ARHGAP26: variants seen among roughly 807,000 people sequenced by gnomAD.
The protein encoded by ARHGAP26 is rho GTPase-activating protein 26.
Under a neutral mutation model 104.8 loss-of-function variants are expected in ARHGAP26, and 38 were observed. The observed-to-expected ratio is 0.36, with a 90% CI of 0.28 to 0.48. The LOEUF (loss-of-function observed/expected upper bound fraction) is 0.48, where lower values mean the gene tolerates loss of function less well. ARHGAP26 is among the 20% of genes least tolerant of loss of function. The pLI, the probability that ARHGAP26 is intolerant of heterozygous loss-of-function variation, is 0.99. For synonymous variants in ARHGAP26, 341 were observed against 340.0 expected (o/e 1.00, Z -0.03); for missense variants, 704 against 947.9 (o/e 0.74, Z 3.38).
intron 20 of ARHGAP26, among the ~76,000 whole-genome samples, chr5:143,164,558 T>A (rs767844359): frequency 3.9e-5 from 6 of 152,226 alleles, no homozygotes; most frequent in Non-Finnish European, 8.8e-5. Context: ...CATGGCTGAT[T>A]TTTCTACCCT....
At chr5:142,939,497 C>T (rs958936815) in intron 11 of ARHGAP26, among the ~76,000 whole-genome samples, 8 of 152,156 alleles carry the variant, frequency 5.3e-5, no homozygotes, top group East Asian at 1.9e-4. Context: ...CTACCGTGCC[C>T]GAGCTCTAAC....
At chr5:143,186,776 A>G (rs1196530256) in intron 20 of ARHGAP26, among the ~76,000 whole-genome samples, 4 of 152,332 alleles carry the variant, frequency 2.6e-5, no homozygotes, top group East Asian at 1.9e-4. Flanking sequence ...TGCTGTGCAG[A>G]CACAGTGACA....
intron 10 of ARHGAP26, among the ~76,000 whole-genome samples, chr5:142,931,606 G>A (rs1243788819): frequency 6.6e-6 from 1 of 151,862 alleles, no homozygotes; most frequent in African/African-American, 2.4e-5. Context: ...TAGGAGACAA[G>A]CATGCCTCCA....
intron 1 of ARHGAP26, among the ~76,000 whole-genome samples, chr5:142,784,696 T>C (rs1758190635): frequency 6.6e-6 from 1 of 152,188 alleles, no homozygotes. Flanking sequence ...CCATGGACGA[T>C]GTTTTTTAAA....
rs1811860849 is a variant in ARHGAP26 at position 143,228,908 on chromosome 5, G to A, written c.*6462G>A. ...ACAAAATTTCTGTTCAGAGGCCTCT[G>A]AAACTTGGCTTTCTTACATGTGGTT... On this transcript the variant is annotated 3_prime_UTR_variant, in exon 23 of 23. Coordinates refer to ENST00000645722, the MANE Select transcript of ARHGAP26 (RefSeq NM_001135608.3). 5.3e-6 allele frequency: 1 copy of A among 187,984 alleles called. No individual in the cohort carries two copies. Among genetic ancestry groups the A allele is most frequent in the Admixed American group, 6.2e-5 (1 of 16,168 alleles). 11.6% of individuals were successfully genotyped at this position (187,984 alleles called of 1,614,324 possible).
chr5:143,029,397 T>G (rs1334355096), intron 12 of ARHGAP26, among the ~76,000 whole-genome samples: 3 of 92,428 alleles, frequency 3.2e-5, no homozygotes, highest in South Asian at 3.0e-4. Flanking sequence ...TCTCAGTTTT[T>G]TTTTTTTTTT....
intron 10 of ARHGAP26, among the ~76,000 whole-genome samples, chr5:142,930,033 A>G (rs1764483921): frequency 6.6e-6 from 1 of 152,140 alleles, no homozygotes; most frequent in African/African-American, 2.4e-5. Context: ...GTTCCCAGGC[A>G]CAGCCCAGTT....
intron 17 of ARHGAP26, among the ~76,000 whole-genome samples, chr5:143,063,333 G>C (rs780970457): frequency 5.3e-5 from 8 of 152,144 alleles, no homozygotes; most frequent in Non-Finnish European, 1.0e-4. Flanking sequence ...CCTCCCTATT[G>C]CTCTGGCTGG....
intron 14 of ARHGAP26, among the ~76,000 whole-genome samples, chr5:143,043,856 G>A (rs1267499434): frequency 6.6e-6 from 1 of 152,220 alleles, no homozygotes; most frequent in African/African-American, 2.4e-5. Context: ...CTAGAAGATT[G>A]AGTAGTGTAG....
intron 5 of ARHGAP26, among the ~76,000 whole-genome samples, chr5:142,892,231 G>T (rs563523204): frequency 9.2e-5 from 14 of 151,942 alleles, no homozygotes; most frequent in Non-Finnish European, 1.9e-4. Context: ...AGATGAGGAT[G>T]GCTCTGCAGG....
intron 17 of ARHGAP26, among the ~76,000 whole-genome samples, chr5:143,078,229 G>C (rs1188058271): frequency 6.6e-6 from 1 of 152,200 alleles, no homozygotes; most frequent in Non-Finnish European, 1.5e-5. Context: ...AAAATGATGT[G>C]TTAGCAGGGC....
intron 1 of ARHGAP26, among the ~76,000 whole-genome samples, chr5:142,815,881 A>G (rs1475177429): frequency 1.3e-5 from 2 of 151,526 alleles, no homozygotes; most frequent in East Asian, 3.9e-4. Context: ...TGCAGCCTCA[A>G]CCTCCTGGGC....
intron 17 of ARHGAP26, among the ~76,000 whole-genome samples, chr5:143,084,437 C>T (rs1790254211): frequency 6.6e-6 from 1 of 152,030 alleles, no homozygotes; most frequent in Non-Finnish European, 1.5e-5. Context: ...TTCCCTTGAG[C>T]GGAATGCATG....
chr5:143,164,457 T>C (rs538726323), intron 20 of ARHGAP26, among the ~76,000 whole-genome samples: 6 of 152,340 alleles, frequency 3.9e-5, no homozygotes, highest in Non-Finnish European at 8.8e-5. Flanking sequence ...TAATTTCAGC[T>C]TGAATCAATT....
chr5:143,068,726 A>AT (rs1787856338), intron 17 of ARHGAP26, among the ~76,000 whole-genome samples: 1 of 152,032 alleles, frequency 6.6e-6, no homozygotes, highest in Admixed American at 6.6e-5. Context: ...GTACTATCCC[A>AT]TTTTTCTGTG....
chr5:142,994,868 C>T (rs1403875321), intron 11 of ARHGAP26, among the ~76,000 whole-genome samples: 1 of 152,024 alleles, frequency 6.6e-6, no homozygotes, highest in Non-Finnish European at 1.5e-5. Context: ...AGAAATGTCA[C>T]AATGAGAAAA....
chr5:143,081,708 T>G (rs1346741228), intron 17 of ARHGAP26, among the ~76,000 whole-genome samples: 2 of 152,036 alleles, frequency 1.3e-5, no homozygotes, highest in African/African-American at 4.8e-5. Flanking sequence ...TGGCATGGAG[T>G]AAGGGCTTAA....
chr5:142,893,354 T>C (rs969592617), intron 5 of ARHGAP26, among the ~76,000 whole-genome samples: 1 of 152,158 alleles, frequency 6.6e-6, no homozygotes, highest in African/African-American at 2.4e-5. Context: ...CACCTACATA[T>C]GAATAAGAAG....
intron 11 of ARHGAP26, among the ~76,000 whole-genome samples, chr5:142,942,115 G>A (rs1766449333): frequency 6.6e-6 from 1 of 152,058 alleles, no homozygotes; most frequent in Admixed American, 6.5e-5. Flanking sequence ...AGGGAAGGGT[G>A]GAGGATGACC....
Sources: allele counts gnomAD v4.1 joint callset (sites outside exome capture counted in the v4.1 genomes callset), GRCh38; gene constraint gnomAD v4.1.1; transcripts MANE v1.5; gene names NCBI Gene and HGNC (gene_info 2026-07-23, HGNC 2026-07-21).